Variants in SLC35F3 observed in about 807,000 individuals in gnomAD.
The protein encoded by SLC35F3 is putative thiamine transporter SLC35F3.
Under a neutral mutation model 49.9 loss-of-function variants are expected in SLC35F3, and 25 were observed. That is an observed-to-expected ratio of 0.50 (90% CI 0.37 to 0.70). The LOEUF (loss-of-function observed/expected upper bound fraction) is 0.70, where lower values mean the gene tolerates loss of function less well. Among genes scored for constraint, SLC35F3 ranks in the 30% least tolerant of loss-of-function variants. The pLI is 0.00. For synonymous variants in SLC35F3, 275 were observed against 265.4 expected (o/e 1.04, Z -0.35); for missense variants, 525 against 639.8 (o/e 0.82, Z 1.94).
intron 2 of SLC35F3, among the ~76,000 whole-genome samples, chr1:234,144,781 G>T (rs1302535528): frequency 1.3e-5 from 2 of 152,166 alleles, no homozygotes; most frequent in Admixed American, 1.3e-4. Context: ...AGACTCGTGT[G>T]AAAACAAATA....
intron 4 of SLC35F3, among the ~76,000 whole-genome samples, chr1:234,313,271 T>G (rs914104716): frequency 3.3e-5 from 5 of 152,148 alleles, no homozygotes; most frequent in Non-Finnish European, 7.4e-5. Flanking sequence ...CTCTCCTCTT[T>G]AAAGCTCAAA....
intron 2 of SLC35F3, among the ~76,000 whole-genome samples, chr1:234,167,139 C>G (rs905587850): frequency 1.1e-4 from 16 of 152,334 alleles, no homozygotes; most frequent in South Asian, 4.1e-4. Flanking sequence ...TTTTCATTCT[C>G]CTGTCTTTCC....
chr1:234,098,746 G>A (rs566739955), intron 2 of SLC35F3, among the ~76,000 whole-genome samples: 2 of 150,862 alleles, frequency 1.3e-5, no homozygotes, highest in South Asian at 2.1e-4. Context: ...GGTGTTATAG[G>A]GTGATGGTGG....
chr1:234,059,291 C>T (rs901972784), intron 2 of SLC35F3, among the ~76,000 whole-genome samples: 5 of 151,882 alleles, frequency 3.3e-5, no homozygotes, highest in Admixed American at 2.6e-4. Context: ...TTTCTTAATA[C>T]AGGCATTTAT....
intron 2 of SLC35F3, among the ~76,000 whole-genome samples, chr1:234,099,140 G>T (rs1665176401): frequency 6.6e-6 from 1 of 152,056 alleles, no homozygotes; most frequent in Non-Finnish European, 1.5e-5. Context: ...GCTAGAAAAG[G>T]CAGAAATCAT....
At chr1:233,985,207 G>A (rs1332311988) in intron 2 of SLC35F3, among the ~76,000 whole-genome samples, 6 of 152,094 alleles carry the variant, frequency 3.9e-5, no homozygotes, top group East Asian at 1.9e-4. Flanking sequence ...GGCATATGTC[G>A]TCATATCTTC....
At chr1:234,236,804 G>C (rs1405352464) in intron 3 of SLC35F3, among the ~76,000 whole-genome samples, 1 of 151,676 alleles carries the variant, frequency 6.6e-6, no homozygotes, top group East Asian at 1.9e-4. Context: ...GGTCAATCCA[G>C]GTCAACATAT....
chr1:234,193,502 C>T (rs1324729829), intron 2 of SLC35F3, among the ~76,000 whole-genome samples: 1 of 152,132 alleles, frequency 6.6e-6, no homozygotes, highest in Non-Finnish European at 1.5e-5. Context: ...TAGAAGATAA[C>T]ATTAGAAAAA....
At chr1:233,932,232 A>G (rs1662254798) in intron 2 of SLC35F3, among the ~76,000 whole-genome samples, 1 of 152,120 alleles carries the variant, frequency 6.6e-6, no homozygotes, top group South Asian at 2.1e-4. Flanking sequence ...CCACCATGGC[A>G]TTTCTATACC....
chr1:234,252,117 T>C (rs933435472), intron 3 of SLC35F3, among the ~76,000 whole-genome samples: 1 of 152,150 alleles, frequency 6.6e-6, no homozygotes, highest in South Asian at 2.1e-4. Flanking sequence ...TCTCCCAAGC[T>C]GGAGTGCGAT....
At chr1:234,185,793 T>C (rs563226207) in intron 2 of SLC35F3, among the ~76,000 whole-genome samples, 5 of 152,362 alleles carry the variant, frequency 3.3e-5, no homozygotes, top group South Asian at 4.1e-4. Context: ...ACCCGCTGAA[T>C]TGCAGGTCTG....
intron 2 of SLC35F3, among the ~76,000 whole-genome samples, chr1:234,094,047 G>T (rs951336338): frequency 2.0e-5 from 3 of 152,216 alleles, no homozygotes; most frequent in Non-Finnish European, 4.4e-5. Flanking sequence ...GCCCACAGTC[G>T]CTGTGCACTC....
At chr1:234,095,146 A>T (rs1018868385) in intron 2 of SLC35F3, among the ~76,000 whole-genome samples, 1 of 152,162 alleles carries the variant, frequency 6.6e-6, no homozygotes, top group African/African-American at 2.4e-5. Flanking sequence ...TTAGATATGA[A>T]ATTACTCCCA....
chr1:234,157,571 T>C (rs1453854711), intron 2 of SLC35F3, among the ~76,000 whole-genome samples: 2 of 152,214 alleles, frequency 1.3e-5, no homozygotes, highest in African/African-American at 4.8e-5. Context: ...AGTGCAAGCA[T>C]GGTTGTTTTC....
intron 2 of SLC35F3, among the ~76,000 whole-genome samples, chr1:233,936,225 G>A (rs1351853756): frequency 2.0e-5 from 3 of 152,170 alleles, no homozygotes; most frequent in East Asian, 1.9e-4. Flanking sequence ...TTAGCCTAGT[G>A]AAGATAGAAA....
At position 234,046,121 on chromosome 1, in the gene SLC35F3, G is replaced by A. The variant is rs548866334; in HGVS notation, c.283+140363G>A. On this transcript the variant is annotated intron_variant, in intron 2 of 7. Transcript: ENST00000366618. The surrounding 1 kb of genome is among the most constrained non-coding windows in gnomAD (Gnocchi z 4.4). ...ATTTTGTATAGGTTTCTTTGTGCATGTATAACAGAGTTTCTCCAGAGTGTG... is the reference window on the plus strand; with the variant it reads ...ATTTTGTATAGGTTTCTTTGTGCATATATAACAGAGTTTCTCCAGAGTGTG... Among the ~76,000 whole-genome samples, 23 of 152,208 alleles carry A rather than the reference G, an allele frequency of 1.5e-4. No individual in the cohort carries two copies. The South Asian group carries it at 4.3e-3, about 29-fold the overall frequency.
intron 2 of SLC35F3, among the ~76,000 whole-genome samples, chr1:234,201,323 A>G (rs986925221): frequency 6.6e-6 from 1 of 152,244 alleles, no homozygotes; most frequent in African/African-American, 2.4e-5. Context: ...TTTTGATTCC[A>G]GTTCATGCTA....
At chr1:234,306,608 G>A (rs1443279418) in intron 3 of SLC35F3, 1 of 152,268 alleles carries the variant, frequency 6.6e-6, no homozygotes, top group African/African-American at 2.4e-5. Context: ...ACCAACCTAA[G>A]CTGTGATCTC....
intron 2 of SLC35F3, among the ~76,000 whole-genome samples, chr1:234,202,758 A>G (rs1289415508): frequency 2.0e-5 from 3 of 152,256 alleles, no homozygotes; most frequent in South Asian, 2.1e-4. Context: ...TAACAATACA[A>G]TAGCCTCTTC....
Sources: allele counts gnomAD v4.1 joint callset (sites outside exome capture counted in the v4.1 genomes callset), GRCh38; gene constraint gnomAD v4.1.1; non-coding constraint Gnocchi (gnomAD v3.1); transcripts MANE v1.5; gene names NCBI Gene and HGNC (gene_info 2026-07-23, HGNC 2026-07-21).